MPP7: variants seen among roughly 807,000 people sequenced by gnomAD.
MPP7 encodes the protein MAGUK p55 subfamily member 7.
Under a neutral mutation model 76.5 loss-of-function variants are expected in MPP7, and 60 were observed. That is an observed-to-expected ratio of 0.78 (90% CI 0.64 to 0.97). MPP7 has a LOEUF of 0.97. Among genes scored for constraint, MPP7 ranks in the 50% least tolerant of loss-of-function variants. The probability of loss-of-function intolerance (pLI) is 0.00; values close to 1 mark genes in which losing one functional copy is unlikely to be tolerated. For missense variants in MPP7, 641 were observed against 694.0 expected (o/e 0.92, Z 0.86); for synonymous variants, 237 against 244.5 (o/e 0.97, Z 0.29).
chr10:28,300,813 G>A (rs144012263), intron 1 of MPP7, among the ~76,000 whole-genome samples: 4,097 of 147,354 alleles, frequency 0.028, 68 homozygotes, highest in Middle Eastern at 0.066. Context: ...AAAAAAAATA[G>A]CTGGGCGTGG....
chr10:28,120,522 G>C (rs1411406188), intron 9 of MPP7, 72 bp downstream of exon 9: 1 of 1,513,748 alleles, frequency 6.6e-7, no homozygotes, highest in Non-Finnish European at 9.1e-7. Context: ...TTGTGACAAA[G>C]TGGATATGTG....
Position 28,053,232 on chromosome 10 carries a change from C to T in MPP7, c.*833G>A, listed in dbSNP as rs965963016. On this transcript the variant is annotated 3_prime_UTR_variant, in exon 17 of 17. Coordinates refer to ENST00000683449, the MANE Select transcript of MPP7 (RefSeq NM_001318170.2). ...TCTAATTTATTGGAAAAATCCAAAA[C>T]CAGCTAAAATAACATTTTGGGTGAC... 1.4e-4 allele frequency: 21 copies of T among 152,156 alleles called. No individual in the cohort carries two copies. Among genetic ancestry groups the T allele is most frequent in the African/African-American group, 4.6e-4 (19 of 41,520 alleles). 9.4% of individuals were successfully genotyped at this position (152,156 alleles called of 1,614,324 possible).
intron 1 of MPP7, among the ~76,000 whole-genome samples, chr10:28,256,493 A>T (rs1182659481): frequency 6.6e-6 from 1 of 152,220 alleles, no homozygotes; most frequent in Non-Finnish European, 1.5e-5. Flanking sequence ...AAAAAAACTG[A>T]CTAAGCATCA....
intron 5 of MPP7, 40 bp from the exon 6 acceptor site, chr10:28,131,731 A>AAGTATGTATATT: frequency 7.2e-6 from 8 of 1,109,078 alleles, no homozygotes; most frequent in Admixed American, 2.8e-5. Context: ...GTAAATATAC[A>AAGTATGTATATT]TACTTATATA....
chr10:28,103,367 T>C (rs1304412287), intron 11 of MPP7, among the ~76,000 whole-genome samples: 1 of 151,620 alleles, frequency 6.6e-6, no homozygotes, highest in Non-Finnish European at 1.5e-5. Context: ...CTTGGGGCCT[T>C]TGCACATGCT....
intron 5 of MPP7, among the ~76,000 whole-genome samples, chr10:28,139,023 G>A (rs994336106): frequency 5.3e-5 from 8 of 152,166 alleles, no homozygotes; most frequent in African/African-American, 1.9e-4. Context: ...AGTTACCACT[G>A]TTACTGCCTG....
chr10:28,282,234 CTT>C (rs2133101409), intron 1 of MPP7: 1 of 152,186 alleles, frequency 6.6e-6, no homozygotes. Flanking sequence ...TATATTGTCT[CTT>C]TTCCAGCAAA....
At chr10:28,172,341 G>A (rs1488229902) in intron 3 of MPP7, among the ~76,000 whole-genome samples, 1 of 152,196 alleles carries the variant, frequency 6.6e-6, no homozygotes, top group Non-Finnish European at 1.5e-5. Flanking sequence ...AAAACAGTCA[G>A]ACACTATTCA....
chr10:28,166,023 C>CAA (rs9299600), intron 3 of MPP7, among the ~76,000 whole-genome samples: 62,505 of 99,384 alleles, frequency 0.63, 19,034 homozygotes, highest in South Asian at 0.74. Context: ...AGACTCATCT[C>CAA]AAAAAAAAAA....
intron 1 of MPP7, among the ~76,000 whole-genome samples, chr10:28,266,141 G>T (rs1840143312): frequency 6.6e-6 from 1 of 152,066 alleles, no homozygotes; most frequent in African/African-American, 2.4e-5. Flanking sequence ...TGTATTTTTA[G>T]TAGAGACGGG....
chr10:28,140,503 T>C (rs1270471315), intron 5 of MPP7, among the ~76,000 whole-genome samples: 2 of 151,698 alleles, frequency 1.3e-5, no homozygotes, highest in Non-Finnish European at 2.9e-5. Context: ...AGAGTGAGAC[T>C]TAGTTTCAAA....
intron 1 of MPP7, among the ~76,000 whole-genome samples, chr10:28,291,713 ATTT>A (rs1395715131): frequency 6.6e-6 from 1 of 152,204 alleles, no homozygotes; most frequent in East Asian, 1.9e-4. Flanking sequence ...ATTTTAAAAA[ATTT>A]TTTTAATAAA....
intron 2 of MPP7, among the ~76,000 whole-genome samples, chr10:28,228,577 C>A (rs1037061975): frequency 1.3e-5 from 2 of 152,042 alleles, no homozygotes; most frequent in Non-Finnish European, 2.9e-5. Context: ...ACTGGCCTGG[C>A]CAACATGGTG....
chr10:28,238,607 T>C lies in MPP7; in HGVS notation c.-3A>G, dbSNP rs780435874. The C allele has an allele frequency of 3.7e-6, 6 of 1,614,196 alleles. No individual in the cohort carries two copies. The highest frequency in any genetic ancestry group is 4.2e-6 in the Non-Finnish European group (5 of 1,180,006). ...GATCCCGTTGACAAAGCTGGCATGA[T>C]GCAAGGTGTAGGAACAGGTCAGCCC... On this transcript the variant is annotated 5_prime_UTR_variant, in exon 2 of 17. Coordinates refer to ENST00000683449, the MANE Select transcript of MPP7 (RefSeq NM_001318170.2).
intron 13 of MPP7, 28 bp from the exon 14 acceptor site, chr10:28,059,771 A>T (rs755812790): frequency 6.7e-7 from 1 of 1,481,574 alleles, no homozygotes; most frequent in South Asian, 1.2e-5. Context: ...GGAGTTTAGA[A>T]AAGCCCACAT....
At chr10:28,245,825 C>T (rs1190595889) in intron 1 of MPP7, among the ~76,000 whole-genome samples, 3 of 150,806 alleles carry the variant, frequency 2.0e-5, no homozygotes, top group African/African-American at 7.3e-5. Flanking sequence ...AACTCTGGAG[C>T]TTACAAATAC....
intron 1 of MPP7, among the ~76,000 whole-genome samples, chr10:28,271,529 A>C (rs1039523998): frequency 2.6e-5 from 4 of 152,108 alleles, no homozygotes; most frequent in African/African-American, 9.7e-5. Context: ...TCCTCCCTAA[A>C]TATTGCTTCT....
chr10:28,204,468 G>A (rs1396748044), intron 2 of MPP7, among the ~76,000 whole-genome samples: 2 of 145,450 alleles, frequency 1.4e-5, no homozygotes, highest in Non-Finnish European at 1.5e-5. Context: ...AAAATGCATA[G>A]CACTAAATAC....
At chr10:28,118,724 G>A in intron 11 of MPP7, 1 of 985,390 alleles carries the variant, frequency 1.0e-6, no homozygotes, top group Non-Finnish European at 1.2e-6. Flanking sequence ...TCCACTTTAA[G>A]CATTTGCCTG....
Sources: allele counts gnomAD v4.1 joint callset (sites outside exome capture counted in the v4.1 genomes callset), GRCh38; gene constraint gnomAD v4.1.1; transcripts MANE v1.5; gene names NCBI Gene and HGNC (gene_info 2026-07-23, HGNC 2026-07-21).